Variants in STXBP5 observed in about 807,000 individuals in gnomAD.
STXBP5 encodes syntaxin-binding protein 5.
STXBP5 carries 50 observed loss-of-function variants against 152.4 expected under a neutral mutation model. The ratio of observed to expected loss-of-function variants is 0.33; its 90% CI spans 0.26 to 0.42. The LOEUF is 0.42. Among genes scored for constraint, STXBP5 ranks in the 10% least tolerant of loss-of-function variants. The pLI, the probability that STXBP5 is intolerant of heterozygous loss-of-function variation, is 1.00. For missense variants in STXBP5, 1,167 were observed against 1,388.6 expected, an observed-to-expected ratio of 0.84 and a Z score of 2.54; for synonymous variants, 492 against 494.7, an observed-to-expected ratio of 0.99 and a Z score of 0.07.
At chr6:147,299,858 GGAGA>G (rs1781717663) in intron 9 of STXBP5, among the ~76,000 whole-genome samples, 2 of 151,956 alleles carry the variant, frequency 1.3e-5, no homozygotes, top group Non-Finnish European at 2.9e-5. Context: ...AGATTGGAAA[GGAGA>G]GAGTCAAATT....
intron 9 of STXBP5, among the ~76,000 whole-genome samples, chr6:147,291,395 T>A (rs1426505563): frequency 6.6e-6 from 1 of 152,192 alleles, no homozygotes; most frequent in Non-Finnish European, 1.5e-5. Flanking sequence ...CTTGGAAAGT[T>A]TGAATTATTT....
chr6:147,310,464 T>A (rs1782311720), intron 10 of STXBP5, among the ~76,000 whole-genome samples: 1 of 152,156 alleles, frequency 6.6e-6, no homozygotes, highest in South Asian at 2.1e-4. Flanking sequence ...CATTTTAAAA[T>A]TCTGTTAAGA....
chr6:147,261,908 A>G lies in STXBP5; in HGVS notation c.567-382A>G, dbSNP rs534647552. On this transcript the variant is annotated intron_variant, in intron 5 of 27. Coordinates refer to ENST00000321680, the MANE Select transcript of STXBP5 (RefSeq NM_001127715.4). ...TAGAATGTTTTTCTATTTCTATTGA[A>G]ACTAAATGGGATGCCTAAATTGGAG... is the stretch of plus-strand genomic sequence containing the variant. Among the ~76,000 whole-genome samples, 76 of 152,058 alleles carry G rather than the reference A, an allele frequency of 5.0e-4. 1 individual carries two copies. The highest frequency in any genetic ancestry group is 7.1e-4 in the Non-Finnish European group (48 of 67,890).
rs2128373862 is a variant in STXBP5 at position 147,314,338 on chromosome 6, A to G, written c.1361+7A>G. 6.2e-7 allele frequency: 1 copy of G among 1,610,328 alleles called. No individual in the cohort carries two copies. Among genetic ancestry groups the G allele is most frequent in the Middle Eastern group, 1.7e-4 (1 of 6,046 alleles). On this transcript the variant is annotated splice_region_variant and intron_variant, in intron 13 of 27. Transcript: ENST00000321680. ...CAGAAATAATTATTACAGGGTAAGTAAAAGTCTGTCTTCACCAAGTAAATC... is the reference window on the plus strand; with the variant it reads ...CAGAAATAATTATTACAGGGTAAGTGAAAGTCTGTCTTCACCAAGTAAATC...
chr6:147,246,954 T>C (rs1422799692), intron 4 of STXBP5, among the ~76,000 whole-genome samples: 1 of 152,186 alleles, frequency 6.6e-6, no homozygotes, highest in Non-Finnish European at 1.5e-5. Flanking sequence ...TAAATGTATA[T>C]AGAAACGAAA....
rs981840588 is a variant in STXBP5 at position 147,339,177 on chromosome 6, A to G, written c.2147-2A>G. 1.3e-6 allele frequency: 2 copies of G among 1,539,088 alleles called. No homozygotes were observed. The highest frequency in any genetic ancestry group is 2.0e-5 in the Admixed American group (1 of 49,108). On this transcript the variant is annotated splice_acceptor_variant, in intron 19 of 27. Coordinates refer to ENST00000321680, the MANE Select transcript of STXBP5 (RefSeq NM_001127715.4). LOFTEE classifies it high-confidence loss of function. Reference sequence around the variant, plus strand: ...TTCCTTCCGTTGTCTTCATTTGTGTAGGTTCTTCATCACCACACAATTCAG... The same window carrying G: ...TTCCTTCCGTTGTCTTCATTTGTGTGGGTTCTTCATCACCACACAATTCAG...
intron 22 of STXBP5, among the ~76,000 whole-genome samples, chr6:147,353,940 G>A (rs1157997193): frequency 2.0e-5 from 3 of 151,994 alleles, no homozygotes; most frequent in Non-Finnish European, 4.4e-5. Flanking sequence ...CCCACGAACA[G>A]CACCTTGATA....
intron 8 of STXBP5, among the ~76,000 whole-genome samples, chr6:147,279,117 T>C (rs548229740): frequency 6.6e-6 from 1 of 152,332 alleles, no homozygotes; most frequent in East Asian, 1.9e-4. Context: ...GGGCCAACCT[T>C]GTAAGCAGAT....
intron 22 of STXBP5, 89 bp downstream of exon 22, chr6:147,353,462 A>G (rs1351265375): frequency 2.4e-6 from 2 of 820,926 alleles, no homozygotes; most frequent in Non-Finnish European, 1.8e-6. Flanking sequence ...TAAGATAGTC[A>G]TTGGAAAGCA....
At chr6:147,213,434 ATGTGTGTGTGTGTGTGTGTGTGTG>A (rs1159372834) in intron 2 of STXBP5, among the ~76,000 whole-genome samples, 1 of 85,536 alleles carries the variant, frequency 1.2e-5, no homozygotes, top group Non-Finnish European at 2.4e-5. Context: ...AATTTTATAT[ATGTGTGTGTGTGTGTGTGTGTGTG>A]TGTGTGTGTG....
At chr6:147,222,737 C>A (rs555924730) in intron 2 of STXBP5, among the ~76,000 whole-genome samples, 1 of 152,212 alleles carries the variant, frequency 6.6e-6, no homozygotes, top group South Asian at 2.1e-4. Context: ...CTTCCCTCTG[C>A]TGGTAGCATG....
chr6:147,247,619 A>G (rs1017991693), intron 4 of STXBP5, among the ~76,000 whole-genome samples: 2 of 152,184 alleles, frequency 1.3e-5, no homozygotes, highest in South Asian at 2.1e-4. Context: ...AAAATTATCC[A>G]TAGTAAGGAG....
intron 23 of STXBP5, among the ~76,000 whole-genome samples, chr6:147,359,837 C>CA: frequency 6.6e-6 from 1 of 152,032 alleles, no homozygotes; most frequent in Non-Finnish European, 1.5e-5. Flanking sequence ...ATATGTGCCA[C>CA]ATTTTCTTAA....
chr6:147,273,908 C>T (rs1467072723), intron 7 of STXBP5, among the ~76,000 whole-genome samples: 3 of 150,606 alleles, frequency 2.0e-5, no homozygotes, highest in Non-Finnish European at 4.4e-5. Flanking sequence ...GACGAGATGG[C>T]GCCACTGCAC....
intron 2 of STXBP5, among the ~76,000 whole-genome samples, chr6:147,215,571 TG>T (rs1285210768): frequency 6.6e-6 from 1 of 152,020 alleles, no homozygotes; most frequent in Non-Finnish European, 1.5e-5. Flanking sequence ...TTGTAGAGCC[TG>T]GGTTTTGTCA....
chr6:147,364,142 T>G lies in STXBP5; in HGVS notation c.3057T>G (p.Ser1019Arg). ...CAGAAATCCAGAGACTTACTTATAG[T>G]CAAGAGACCTGTGAAAATCTTCAGG... ...SPTEIQRLTY[S>R]QETCENLQEM... Residue 1019 changes from serine to arginine, a missense_variant, in exon 25 of 28, where the codon AGT becomes AGG. Ser to Arg is a moderately radical substitution (Grantham distance 110). Around this residue, in one of 3 missense-constraint regions of STXBP5, gnomAD observed 833 missense variants for 986.3 expected, o/e 0.84. Coordinates refer to ENST00000321680, the MANE Select transcript of STXBP5 (RefSeq NM_001127715.4). 6.2e-7 allele frequency: 1 copy of G among 1,611,896 alleles called. No individual in the cohort carries two copies. The highest frequency in any genetic ancestry group is 8.5e-7 in the Non-Finnish European group (1 of 1,179,510).
chr6:147,231,267 T>C (rs1777993047), intron 2 of STXBP5, among the ~76,000 whole-genome samples: 1 of 151,790 alleles, frequency 6.6e-6, no homozygotes, highest in Admixed American at 6.6e-5. Flanking sequence ...CACAGCCTTG[T>C]GTTCAAAGAC....
intron 2 of STXBP5, among the ~76,000 whole-genome samples, chr6:147,230,659 CTGTGTG>C (rs148015603): frequency 3.4e-5 from 5 of 148,990 alleles, no homozygotes; most frequent in Non-Finnish European, 7.5e-5. Context: ...ATATATTTTG[CTGTGTG>C]TGTGTGTGTG....
At chr6:147,302,698 C>T (rs1237669562) in intron 9 of STXBP5, among the ~76,000 whole-genome samples, 1 of 152,004 alleles carries the variant, frequency 6.6e-6, no homozygotes, top group African/African-American at 2.4e-5. Flanking sequence ...ACCTGTAATC[C>T]CAGCTACTCA....
Sources: gnomAD v4.1 joint callset for allele counts (sites outside exome capture counted in the v4.1 genomes callset) on GRCh38, gnomAD v4.1.1 for gene constraint, gnomAD v4.1.1 regional missense constraint, MANE v1.5 for transcripts, NCBI Gene and HGNC (gene_info 2026-07-23, HGNC 2026-07-21) for gene names.